Variants in ATG13 observed in about 807,000 individuals in gnomAD.
ATG13 encodes autophagy related 13.
A neutral mutation model predicts 65.5 loss-of-function variants in ATG13; 23 were observed. The ratio of observed to expected loss-of-function variants is 0.35; its 90% CI spans 0.25 to 0.50. The LOEUF is 0.50. Among genes scored for constraint, ATG13 ranks in the 20% least tolerant of loss-of-function variants. The pLI is 0.98. For synonymous variants in ATG13, 252 were observed against 245.2 expected (o/e 1.03, Z -0.26); for missense variants, 566 against 677.0 (o/e 0.84, Z 1.82).
rs529881751 is a variant in ATG13 at position 46,636,990 on chromosome 11, G to A, written c.-14+6890G>A. ...AATTAGCCTGCCTTGGCCTCCCAAA[G>A]TGCTGGGATTACAGGTGTGAGCCAC... On this transcript the variant is annotated intron_variant, in intron 2 of 18. Coordinates refer to ENST00000683050, the MANE Select transcript of ATG13 (RefSeq NM_001346311.2). Among the ~76,000 whole-genome samples the A allele has an allele frequency of 2.4e-4, 37 of 152,242 alleles. No individual in the cohort carries two copies. In the South Asian group the frequency reaches 7.5e-3, roughly 31 times the overall value.
chr11:46,641,741 T>G (rs140899795), intron 2 of ATG13, among the ~76,000 whole-genome samples: 4 of 147,970 alleles, frequency 2.7e-5, no homozygotes, highest in African/African-American at 5.0e-5. Context: ...TGCATTTCAG[T>G]GCATCTAAGT....
intron 1 of ATG13, among the ~76,000 whole-genome samples, chr11:46,620,342 G>A (rs1405591562): frequency 6.6e-6 from 1 of 151,352 alleles, no homozygotes; most frequent in Non-Finnish European, 1.5e-5. Flanking sequence ...TGATCCACCC[G>A]CCCTGGCCTC....
intron 17 of ATG13, 111 bp from the exon 18 acceptor site, chr11:46,669,293 A>C: frequency 2.2e-6 from 3 of 1,346,694 alleles, no homozygotes; most frequent in Non-Finnish European, 2.1e-6. Context: ...TTCTCTCCCT[A>C]AGATAAGCCT....
intron 18 of ATG13, among the ~76,000 whole-genome samples, chr11:46,670,227 A>G (rs2063398881): frequency 6.6e-6 from 1 of 152,228 alleles, no homozygotes; most frequent in Non-Finnish European, 1.5e-5. Flanking sequence ...TCACGCCTGT[A>G]ATCCCAGCAC....
At chr11:46,672,116 G>A in intron 18 of ATG13, 139 bp from the exon 19 acceptor site, 1 of 1,343,050 alleles carries the variant, frequency 7.4e-7, no homozygotes, top group Non-Finnish European at 1.0e-6. Context: ...CTACGCAGCT[G>A]CCCTGCGTTC....
At chr11:46,625,269 CTTTTTTTTTTT>C (rs59095357) in intron 1 of ATG13, 4 of 84,386 alleles carry the variant, frequency 4.7e-5, no homozygotes, top group East Asian at 3.2e-4. Context: ...CTTGCTCTTT[CTTTTTTTTTTT>C]TTTTTTTTTT....
intron 1 of ATG13, among the ~76,000 whole-genome samples, chr11:46,623,418 G>GT (rs1293758721): frequency 6.6e-6 from 1 of 151,926 alleles, no homozygotes; most frequent in African/African-American, 2.4e-5. Context: ...AACTAGTTTT[G>GT]TTTTTTTGTT....
chr11:46,655,661 C>T (rs1309411013), intron 7 of ATG13, among the ~76,000 whole-genome samples: 1 of 152,194 alleles, frequency 6.6e-6, no homozygotes, highest in Non-Finnish European at 1.5e-5. Flanking sequence ...CTTTATTTCT[C>T]AGTAGGTATA....
In ATG13 at chr11:46,673,647, T is replaced by G. The variant is rs1215046700; in HGVS notation, c.*1315T>G. 6.6e-6 allele frequency: 1 copy of G among 152,186 alleles called. No homozygotes were observed. Among genetic ancestry groups the G allele is most frequent in the Non-Finnish European group, 1.5e-5 (1 of 68,030 alleles). The allele number at this position is 152,186 out of a possible 1,614,324, so 9.4% of individuals were successfully genotyped here. A position where few individuals can be genotyped will look rare whatever the true frequency, so the allele number is the denominator to read the frequency against. On this transcript the variant is annotated 3_prime_UTR_variant, in exon 19 of 19. Transcript: ENST00000683050. The stretch of plus-strand genomic sequence containing the variant: ...CTGCCCTGGGGTTTACCAGCTGGAT[T>G]GGCTTCTGGTTGAGAAATCAAAGCT...
intron 5 of ATG13, among the ~76,000 whole-genome samples, chr11:46,647,287 T>TG (rs926723714): frequency 2.5e-4 from 36 of 145,672 alleles, no homozygotes; most frequent in African/African-American, 7.9e-4. Flanking sequence ...TTTGTTTTTT[T>TG]TTTTTGTTTT....
chr11:46,629,663 C>G (rs1196111041), intron 1 of ATG13, among the ~76,000 whole-genome samples: 1 of 152,170 alleles, frequency 6.6e-6, no homozygotes, highest in Non-Finnish European at 1.5e-5. Flanking sequence ...TCCCAAAATG[C>G]TGGGATTACA....
chr11:46,666,268 G>C (rs542618878), intron 14 of ATG13, among the ~76,000 whole-genome samples: 8 of 152,286 alleles, frequency 5.3e-5, no homozygotes, highest in Admixed American at 3.3e-4. Flanking sequence ...ATCCAGTAAA[G>C]GGGTTGTCAG....
intron 2 of ATG13, among the ~76,000 whole-genome samples, chr11:46,644,043 A>C (rs1179063160): frequency 6.6e-6 from 1 of 152,152 alleles, no homozygotes; most frequent in Non-Finnish European, 1.5e-5. Context: ...GAATCAGGTA[A>C]AATGTTCTCA....
intron 15 of ATG13, 132 bp from the exon 16 acceptor site, chr11:46,668,367 G>A (rs1592261743): frequency 2.4e-6 from 2 of 848,344 alleles, no homozygotes; most frequent in East Asian, 4.9e-5. Flanking sequence ...TAACAAGGCA[G>A]GAGCCTAAGG....
Position 46,645,349 on chromosome 11 carries a change from T to C in ATG13, c.80T>C (p.Val27Ala). The C allele has an allele frequency of 6.2e-7, 1 of 1,613,600 alleles. No individual in the cohort carries two copies. ...IKFFALKTVQ[V>A]IVQARLGEKI... ...TTTTTTTTTCTTTAGACTGTCCAAG[T>C]GATTGTCCAGGCTCGGCTTGGTGAA... Residue 27 changes from valine to alanine, a missense_variant, in exon 4 of 19, where the codon GTG becomes GCG. This residue lies in a region of ATG13 where 179 missense variants were observed against 267.2 expected (regional missense o/e 0.67). Coordinates refer to ENST00000683050, the MANE Select transcript of ATG13 (RefSeq NM_001346311.2).
chr11:46,658,414 GA>G (rs1251502321), intron 10 of ATG13, among the ~76,000 whole-genome samples: 1 of 152,102 alleles, frequency 6.6e-6, no homozygotes, highest in African/African-American at 2.4e-5. Context: ...TGCTCTCTCA[GA>G]CCAGGCATGG....
rs1348488133 is a variant in ATG13, at chr11:46,672,446, G to A, written c.*114G>A. On this transcript the variant is annotated 3_prime_UTR_variant, in exon 19 of 19. Coordinates refer to ENST00000683050, the MANE Select transcript of ATG13 (RefSeq NM_001346311.2). ...CTGCTCTGAGCCAGGTGGAAGGGAGGCTGGCTTCTCCCATGGGGACCCAGA... is the reference window on the plus strand; with the variant it reads ...CTGCTCTGAGCCAGGTGGAAGGGAGACTGGCTTCTCCCATGGGGACCCAGA... 4 of 1,582,426 alleles carry A rather than the reference G, an allele frequency of 2.5e-6. No homozygotes were observed. The highest frequency in any genetic ancestry group is 1.8e-4 in the Middle Eastern group (1 of 5,688).
intron 1 of ATG13, among the ~76,000 whole-genome samples, chr11:46,629,102 C>G (rs2050761585): frequency 6.6e-6 from 1 of 152,014 alleles, no homozygotes; most frequent in South Asian, 2.1e-4. Context: ...GCCACCATGC[C>G]TGGCTAATTT....
chr11:46,635,915 A>T (rs1009111288), intron 2 of ATG13, among the ~76,000 whole-genome samples: 1 of 152,182 alleles, frequency 6.6e-6, no homozygotes, highest in African/African-American at 2.4e-5. Context: ...AGATAAGGGC[A>T]GTATAATCCT....
Sources: allele counts gnomAD v4.1 joint callset (sites outside exome capture counted in the v4.1 genomes callset), GRCh38; gene constraint gnomAD v4.1.1; regional missense constraint gnomAD v4.1.1; transcripts MANE v1.5; gene names NCBI Gene and HGNC (gene_info 2026-07-23, HGNC 2026-07-21).